Variants in NXN observed in about 807,000 individuals in gnomAD.
NXN encodes the protein nucleoredoxin, also known as nucleoredoxin 1.
NXN carries 16 observed loss-of-function variants against 48.6 expected under a neutral mutation model. The observed-to-expected ratio is 0.33, with a 90% CI of 0.22 to 0.50. The LOEUF (loss-of-function observed/expected upper bound fraction) is 0.50. Among genes scored for constraint, NXN ranks in the 20% least tolerant of loss-of-function variants. The pLI, the probability that NXN is intolerant of heterozygous loss-of-function variation, is 0.98. For missense variants in NXN, 492 were observed against 605.5 expected, an observed-to-expected ratio of 0.81 and a Z score of 1.97; for synonymous variants, 281 against 269.6, an observed-to-expected ratio of 1.04 and a Z score of -0.41.
At chr17:858,710 C>T (rs1316722499) in intron 1 of NXN, among the ~76,000 whole-genome samples, 5 of 149,458 alleles carry the variant, frequency 3.3e-5, no homozygotes, top group African/African-American at 1.2e-4. Flanking sequence ...GCCTGGGTGA[C>T]AGAGCGAGAC....
At position 889,753 on chromosome 17, in the gene NXN, A is replaced by AACAAAGAAAG. The variant is rs2068394181; in HGVS notation, c.361-63676_361-63675insCTTTCTTTGT. The stretch of plus-strand genomic sequence containing the variant: ...AAAGAAAGAAAGAAAGAAAGAAAGA[A>AACAAAGAAAG]AGAAAGAAAAAGAAAGAAAGAAAAG... On this transcript the variant is annotated intron_variant, in intron 1 of 7. Coordinates refer to ENST00000336868, the MANE Select transcript of NXN (RefSeq NM_022463.5). Among the ~76,000 whole-genome samples, 36 of 39,452 alleles carry AACAAAGAAAG rather than the reference A, an allele frequency of 9.1e-4. 2 individuals carry two copies. Among genetic ancestry groups the AACAAAGAAAG allele is most frequent in the African/African-American group, 3.5e-3 (36 of 10,152 alleles). 25.9% of individuals were successfully genotyped at this position (39,452 alleles called of 152,430 possible).
chr17:898,145 T>G (rs1330973699), intron 1 of NXN, among the ~76,000 whole-genome samples: 1 of 152,166 alleles, frequency 6.6e-6, no homozygotes, highest in Non-Finnish European at 1.5e-5. Context: ...GGCTCAGGGT[T>G]TCTCAACCTC....
chr17:879,132 T>G lies in NXN; in HGVS notation c.361-53054A>C, dbSNP rs1430432706. Among the ~76,000 whole-genome samples, 3 of 151,502 alleles carry G rather than the reference T, an allele frequency of 2.0e-5. No homozygotes were observed. The East Asian group carries it at 5.9e-4, about 30-fold the overall frequency. On this transcript the variant is annotated intron_variant, in intron 1 of 7. Coordinates refer to ENST00000336868, the MANE Select transcript of NXN (RefSeq NM_022463.5). Reference sequence around the variant, plus strand: ...GTGAGCCAAGATCGCGCCATTGCACTCCAGCCTGGGCAACAAGAGAGAAAC... The same window carrying G: ...GTGAGCCAAGATCGCGCCATTGCACGCCAGCCTGGGCAACAAGAGAGAAAC...
chr17:901,143 T>C (rs1222616597), intron 1 of NXN, among the ~76,000 whole-genome samples: 2 of 151,942 alleles, frequency 1.3e-5, no homozygotes, highest in Non-Finnish European at 2.9e-5. Context: ...ATGGTCTCGA[T>C]CTCCTGACCT....
chr17:948,722 C>T (rs374050646), intron 1 of NXN, among the ~76,000 whole-genome samples: 2 of 151,928 alleles, frequency 1.3e-5, no homozygotes, highest in Non-Finnish European at 2.9e-5. Context: ...CCGTCCCGCC[C>T]CAGCGCTCGG....
In NXN at chr17:920,092, G is replaced by T. The variant is rs970880948; in HGVS notation, c.360+59227C>A. On this transcript the variant is annotated intron_variant, in intron 1 of 7. Transcript: ENST00000336868. This position sits in a 1 kb window ranked among gnomAD's most constrained non-coding sequence, Gnocchi z 4.6. Reference sequence around the variant, plus strand: ...TGTTTGTATTTTTGGTGGAGACAAGGTTTCGCCATGTTGCCCAGGCTGGTC... The same window carrying T: ...TGTTTGTATTTTTGGTGGAGACAAGTTTTCGCCATGTTGCCCAGGCTGGTC... Among the ~76,000 whole-genome samples, 3 of 152,028 alleles carry T rather than the reference G, an allele frequency of 2.0e-5. No homozygotes were observed. The highest frequency in any genetic ancestry group is 6.6e-5 in the Admixed American group (1 of 15,250).
intron 1 of NXN, among the ~76,000 whole-genome samples, chr17:850,638 G>A (rs2067913851): frequency 6.6e-6 from 1 of 152,182 alleles, no homozygotes; most frequent in Non-Finnish European, 1.5e-5. Context: ...CAGGGGGGCG[G>A]CGTGGGGGCC....
chr17:898,718 C>T (rs1290701805), intron 1 of NXN, among the ~76,000 whole-genome samples: 2 of 69,764 alleles, frequency 2.9e-5, no homozygotes, highest in African/African-American at 6.6e-5. Flanking sequence ...CAAAAATTAG[C>T]CAGGACGGTA....
At chr17:810,299 G>A (rs1393712269) in intron 5 of NXN, among the ~76,000 whole-genome samples, 63 of 117,006 alleles carry the variant, frequency 5.4e-4, no homozygotes, top group South Asian at 1.2e-3. Flanking sequence ...TGCACGTTAC[G>A]AGTCTGTGAG....
chr17:915,458 A>AT (rs1301815300), intron 1 of NXN, among the ~76,000 whole-genome samples: 2 of 151,182 alleles, frequency 1.3e-5, no homozygotes, highest in South Asian at 2.1e-4. Context: ...TAATTTTTGT[A>AT]TTTTTTTGTA....
chr17:825,620 G>T lies in NXN; in HGVS notation c.478+341C>A, dbSNP rs553189268. The T allele has an allele frequency of 9.3e-6, 2 of 215,374 alleles. No individual in the cohort carries two copies. Among genetic ancestry groups the T allele is most frequent in the East Asian group, 1.2e-4 (1 of 8,454 alleles). The allele number at this position is 215,374 out of a possible 1,614,324, so 13.3% of individuals were successfully genotyped here. A position where few individuals can be genotyped will look rare whatever the true frequency, so the allele number is the denominator to read the frequency against. On this transcript the variant is annotated intron_variant, in intron 2 of 7. Transcript: ENST00000336868. The surrounding 1 kb of genome is among the most constrained non-coding windows in gnomAD (Gnocchi z 4.1). ...ACTCAGCCTGCCTCTAACTGTGAAG[G>T]GGGCAGCCGCCACGGATGCAGCACT...
At chr17:857,385 C>G (rs971330465) in intron 1 of NXN, among the ~76,000 whole-genome samples, 1 of 152,136 alleles carries the variant, frequency 6.6e-6, no homozygotes, top group Non-Finnish European at 1.5e-5. Flanking sequence ...CTCAGCCTAC[C>G]GAGTAGCTGG....
chr17:927,877 G>A (rs1597248932), intron 1 of NXN, among the ~76,000 whole-genome samples: 1 of 152,210 alleles, frequency 6.6e-6, no homozygotes, highest in East Asian at 1.9e-4. Flanking sequence ...TACTGAGTCT[G>A]CACGTGATGT....
At chr17:884,449 C>T (rs1469854473) in intron 1 of NXN, among the ~76,000 whole-genome samples, 1 of 152,000 alleles carries the variant, frequency 6.6e-6, no homozygotes, top group Non-Finnish European at 1.5e-5. Context: ...ATTCGGGGAA[C>T]TGTGGATGAT....
chr17:919,188 G>C lies in NXN; in HGVS notation c.360+60131C>G, dbSNP rs535751962. Among the ~76,000 whole-genome samples, 1 of 152,106 alleles carries C rather than the reference G, an allele frequency of 6.6e-6. No individual in the cohort carries two copies. Among genetic ancestry groups the C allele is most frequent in the South Asian group, 2.1e-4 (1 of 4,812 alleles). ...GACCATCCTGGCTAACATGGTGAAA[G>C]CCCGTCTCTACTACAAATACAAAAA... On this transcript the variant is annotated intron_variant, in intron 1 of 7. Transcript: ENST00000336868. The surrounding 1 kb of genome is among the most constrained non-coding windows in gnomAD (Gnocchi z 5.1).
At chr17:906,146 A>G (rs2068579464) in intron 1 of NXN, among the ~76,000 whole-genome samples, 1 of 152,164 alleles carries the variant, frequency 6.6e-6, no homozygotes, top group Non-Finnish European at 1.5e-5. Flanking sequence ...GGCCTGGTGC[A>G]CTTTATACCT....
rs116370542 is a variant in NXN at position 847,302 on chromosome 17, G to A, written c.361-21224C>T. Among the ~76,000 whole-genome samples, 599 of 151,816 alleles carry A rather than the reference G, an allele frequency of 3.9e-3. 4 individuals carry two copies. The highest frequency in any genetic ancestry group is 0.013 in the African/African-American group (544 of 41,350). On this transcript the variant is annotated intron_variant, in intron 1 of 7. Transcript: ENST00000336868. ...TTTCCAGTGCCCAGTTATAAACCCC[G>A]TGTTGATCACTTTCCTGCTTCAGGA...
chr17:937,143 C>T (rs1000338755), intron 1 of NXN, among the ~76,000 whole-genome samples: 7 of 152,000 alleles, frequency 4.6e-5, no homozygotes, highest in South Asian at 2.1e-4. Context: ...GCACCACGCC[C>T]GGCTGATTTT....
At chr17:850,595 G>A (rs2067913197) in intron 1 of NXN, among the ~76,000 whole-genome samples, 1 of 152,240 alleles carries the variant, frequency 6.6e-6, no homozygotes, top group East Asian at 1.9e-4. Context: ...CAGTGGGGCT[G>A]GGGGGCACCC....
Sources: gnomAD v4.1 joint callset for allele counts (sites outside exome capture counted in the v4.1 genomes callset) on GRCh38, gnomAD v4.1.1 for gene constraint, Gnocchi (gnomAD v3.1) non-coding constraint, MANE v1.5 for transcripts, NCBI Gene and HGNC (gene_info 2026-07-23, HGNC 2026-07-21) for gene names.